Variants in AK9 observed in about 807,000 individuals in gnomAD.
AK9 encodes the protein adenylate kinase domain containing 1.
A neutral mutation model predicts 239.6 loss-of-function variants in AK9; 191 were observed. The observed-to-expected ratio is 0.80, with a 90% CI of 0.71 to 0.90. The LOEUF is 0.90. Ranked by LOEUF, AK9 falls within the 40% of genes least tolerant of loss-of-function variation. The pLI, the probability that AK9 is intolerant of heterozygous loss-of-function variation, is 0.00. For synonymous variants in AK9, 689 were observed against 721.0 expected, an observed-to-expected ratio of 0.96 and a Z score of 0.71; for missense variants, 1,995 against 2,214.7, an observed-to-expected ratio of 0.90 and a Z score of 1.99.
intron 22 of AK9, 82 bp from the exon 23 acceptor site, chr6:109,564,362 T>C (rs898774624): frequency 5.4e-5 from 59 of 1,090,866 alleles, no homozygotes; most frequent in Non-Finnish European, 7.3e-5. Flanking sequence ...AGCTTATACT[T>C]TGCAATTTTT....
intron 29 of AK9, among the ~76,000 whole-genome samples, chr6:109,523,018 T>C (rs1468092714): frequency 1.3e-5 from 2 of 152,186 alleles, no homozygotes; most frequent in Admixed American, 1.3e-4. Context: ...CAAATGTCGC[T>C]GTTAAGTGAA....
At chr6:109,640,808 T>G (rs146696371) in intron 10 of AK9, among the ~76,000 whole-genome samples, 1 of 152,142 alleles carries the variant, frequency 6.6e-6, no homozygotes, top group Non-Finnish European at 1.5e-5. Flanking sequence ...CTTTTGGCAA[T>G]TGGCAGTTAT....
At chr6:109,587,045 C>A (rs1471264828) in intron 17 of AK9, among the ~76,000 whole-genome samples, 1 of 152,052 alleles carries the variant, frequency 6.6e-6, no homozygotes, top group Non-Finnish European at 1.5e-5. Context: ...TGGGCTGAGG[C>A]AATCCTCCCC....
At chr6:109,674,109 A>T (rs543751029) in intron 3 of AK9, 89 bp downstream of exon 3, 1 of 1,016,618 alleles carries the variant, frequency 9.8e-7, no homozygotes, top group Non-Finnish European at 1.4e-6. Flanking sequence ...GATGGTGAGT[A>T]TATGGGCATT....
intron 35 of AK9, among the ~76,000 whole-genome samples, chr6:109,502,116 G>A (rs1777658838): frequency 6.6e-6 from 1 of 152,146 alleles, no homozygotes. Flanking sequence ...GCCTTGTGGT[G>A]TTCCTGCCTT....
At position 109,640,998 on chromosome 6, in the gene AK9, T is replaced by C. The variant is rs1449476699; in HGVS notation, c.933+520A>G. On this transcript the variant is annotated intron_variant, in intron 10 of 40. Transcript: ENST00000424296. Reference sequence around the variant, plus strand: ...TCTTTTTTACTGTTCCTACATGTAATTGTTATGATTTTGTTTCAAAACTTG... The same window carrying C: ...TCTTTTTTACTGTTCCTACATGTAACTGTTATGATTTTGTTTCAAAACTTG... Among the ~76,000 whole-genome samples, 7 of 152,180 alleles carry C rather than the reference T, an allele frequency of 4.6e-5. No individual in the cohort carries two copies. The East Asian group carries it at 1.4e-3, about 29-fold the overall frequency.
chr6:109,570,283 G>C (rs1223964776), intron 21 of AK9, among the ~76,000 whole-genome samples: 1 of 152,000 alleles, frequency 6.6e-6, no homozygotes, highest in Non-Finnish European at 1.5e-5. Context: ...CCTGTCGTGG[G>C]GTGGGGGAAG....
At chr6:109,564,725 T>C (rs1047314208) in intron 22 of AK9, 31 bp downstream of exon 22, 21 of 1,464,662 alleles carry the variant, frequency 1.4e-5, no homozygotes, top group Non-Finnish European at 1.8e-5. Flanking sequence ...AGTACTTTTA[T>C]GCAAGAACTA....
At chr6:109,601,504 T>C (rs551472671) in intron 17 of AK9, among the ~76,000 whole-genome samples, 1 of 152,336 alleles carries the variant, frequency 6.6e-6, no homozygotes, top group South Asian at 2.1e-4. Context: ...TCCAACTATG[T>C]GGTCAATTTT....
chr6:109,559,446 C>T (rs964938739), intron 24 of AK9, among the ~76,000 whole-genome samples: 4 of 152,330 alleles, frequency 2.6e-5, no homozygotes, highest in East Asian at 1.9e-4. Context: ...GGATTACAGG[C>T]GTGAGCCACT....
chr6:109,567,420 A>G (rs944895879), intron 21 of AK9, among the ~76,000 whole-genome samples: 1 of 152,134 alleles, frequency 6.6e-6, no homozygotes, highest in Non-Finnish European at 1.5e-5. Flanking sequence ...ACAGGTTCTG[A>G]AATTGAGGCA....
At chr6:109,648,769 A>C (rs985382208) in intron 8 of AK9, among the ~76,000 whole-genome samples, 18 of 152,240 alleles carry the variant, frequency 1.2e-4, no homozygotes, top group African/African-American at 2.6e-4. Flanking sequence ...GATACCAAAG[A>C]CTGGCAGAGA....
At position 109,514,249 on chromosome 6, in the gene AK9, C is replaced by A. The variant is rs189356436; in HGVS notation, c.4254G>T (p.Gly1418=). The A allele has an allele frequency of 6.4e-7, 1 of 1,551,398 alleles. No individual in the cohort carries two copies. Among genetic ancestry groups the A allele is most frequent in the Non-Finnish European group, 8.7e-7 (1 of 1,146,882 alleles). ...CTGTAGTTTTCCCAGATTTTGGAGG[C>A]CCCACAATTATAATCCTAATGGGCA... ...PTVPIRIIIV[G]PPKSGKTTVA... The change falls in exon 32 of 41, where the codon GGG becomes GGT. Residue 1418 remains glycine, a synonymous_variant. Coordinates refer to ENST00000424296, the MANE Select transcript of AK9 (RefSeq NM_001145128.3).
Position 109,493,977 on chromosome 6 carries a change from A to G in AK9, c.5533+4T>C. 1 of 1,578,008 alleles carries G rather than the reference A, an allele frequency of 6.3e-7. No homozygotes were observed. Among genetic ancestry groups the G allele is most frequent in the Non-Finnish European group, 8.7e-7 (1 of 1,153,054 alleles). On this transcript the variant is annotated splice_donor_region_variant and intron_variant, in intron 40 of 40. Transcript: ENST00000424296. ...TGAGTAGTAAATAATTAAAAAAGAC[A>G]TACCTTTGAGATGAAGTGCTATATA...
In AK9 at chr6:109,641,596, T is replaced by C; in HGVS notation, c.855A>G (p.Lys285=). Residue 285 remains lysine (K), a synonymous_variant, in exon 10 of 41, where the codon AAA becomes AAG. Coordinates refer to ENST00000424296, the MANE Select transcript of AK9 (RefSeq NM_001145128.3). The stretch of plus-strand genomic sequence containing the variant: ...TAGCTGCTCTTTTTAGGTTCAGATA[T>C]TTAAGTCGATCCATAACAATCTAGA... The part of the protein sequence containing the change: ...ELFMIVMDRL[K]YLNLKRAAIL... 1 of 1,613,038 alleles carries C rather than the reference T, an allele frequency of 6.2e-7. No homozygotes were observed. The highest frequency in any genetic ancestry group is 1.3e-5 in the African/African-American group (1 of 75,034).
intron 38 of AK9, 63 bp from the exon 39 acceptor site, chr6:109,495,503 T>C: frequency 2.5e-6 from 3 of 1,184,480 alleles, no homozygotes; most frequent in Non-Finnish European, 3.6e-6. Context: ...TAGATAGGAA[T>C]AGACAAGAGA....
chr6:109,619,260 C>T lies in AK9; in HGVS notation c.1255-24G>A, dbSNP rs1342557727. The T allele has an allele frequency of 1.8e-5, 27 of 1,534,718 alleles. No homozygotes were observed. The East Asian group carries it at 3.7e-4, about 21-fold the overall frequency. On this transcript the variant is annotated intron_variant, in intron 12 of 40. Coordinates refer to ENST00000424296, the MANE Select transcript of AK9 (RefSeq NM_001145128.3). The stretch of plus-strand genomic sequence containing the variant: ...ACCTGCAAAGAATATTTGAGAAAAT[C>T]GACATAAGCAGGAGTTATTGTGACT...
At chr6:109,496,878 T>A (rs536462941) in intron 38 of AK9, among the ~76,000 whole-genome samples, 1 of 152,180 alleles carries the variant, frequency 6.6e-6, no homozygotes, top group East Asian at 1.9e-4. Context: ...TTACAATCAG[T>A]CAATGTGCTC....
In AK9 at chr6:109,641,556, G is replaced by C; in HGVS notation, c.895C>G (p.Gln299Glu). The change falls in exon 10 of 41, where the codon CAG becomes GAG. Residue 299 changes from glutamine (Q) to glutamate (E), a missense_variant. Physicochemically the swap from Gln to Glu is conservative, Grantham distance 29. Transcript: ENST00000424296. ...LKRAAILTKL[Q>E]GAEEEINDTM... Reference sequence around the variant, plus strand: ...TCATTAATTTCTTCCTCTGCACCCTGAAGTTTGGTTAGAATAGCTGCTCTT... The same window carrying C: ...TCATTAATTTCTTCCTCTGCACCCTCAAGTTTGGTTAGAATAGCTGCTCTT... 6.2e-7 allele frequency: 1 copy of C among 1,613,584 alleles called. No individual in the cohort carries two copies.
Sources: gnomAD v4.1 joint callset for allele counts (sites outside exome capture counted in the v4.1 genomes callset) on GRCh38, gnomAD v4.1.1 for gene constraint, MANE v1.5 for transcripts, NCBI Gene and HGNC (gene_info 2026-07-23, HGNC 2026-07-21) for gene names.